Variants in INPP4B observed in about 807,000 individuals in gnomAD.
The protein encoded by INPP4B is inositol polyphosphate-4-phosphatase type II B.
In INPP4B, 55 loss-of-function variants were observed where a neutral mutation model predicts 122.5. That is an observed-to-expected ratio of 0.45 (90% CI 0.36 to 0.56). INPP4B has a LOEUF of 0.56. INPP4B is among the 20% of genes least tolerant of loss of function. The pLI, the probability that INPP4B is intolerant of heterozygous loss-of-function variation, is 0.00. For missense variants in INPP4B, 1,000 were observed against 1,097.7 expected, an observed-to-expected ratio of 0.91 and a Z score of 1.26; for synonymous variants, 403 against 388.7, an observed-to-expected ratio of 1.04 and a Z score of -0.43.
At chr4:142,786,136 T>C (rs1333816968) in intron 1 of INPP4B, among the ~76,000 whole-genome samples, 1 of 152,130 alleles carries the variant, frequency 6.6e-6, no homozygotes, top group African/African-American at 2.4e-5. Context: ...TCTTGATTTC[T>C]AACACCAGTC....
chr4:142,452,696 G>A (rs566637659), intron 3 of INPP4B, among the ~76,000 whole-genome samples: 1 of 152,126 alleles, frequency 6.6e-6, no homozygotes, highest in Non-Finnish European at 1.5e-5. Context: ...TTACTCTGCT[G>A]TTCAGTGTGT....
chr4:142,058,166 C>T (rs1158563994), intron 25 of INPP4B, among the ~76,000 whole-genome samples: 7 of 152,088 alleles, frequency 4.6e-5, no homozygotes, highest in Admixed American at 1.3e-4. Flanking sequence ...TGTATTTGGG[C>T]CATGCAAATC....
chr4:142,513,067 T>C (rs1330819296), intron 2 of INPP4B, among the ~76,000 whole-genome samples: 4 of 152,170 alleles, frequency 2.6e-5, no homozygotes, highest in African/African-American at 9.6e-5. Flanking sequence ...TTTAAAATGG[T>C]ATGTGGCTGA....
At chr4:142,796,994 G>T (rs1195719308) in intron 1 of INPP4B, among the ~76,000 whole-genome samples, 2 of 150,846 alleles carry the variant, frequency 1.3e-5, no homozygotes, top group African/African-American at 4.9e-5. Flanking sequence ...AACATAAACA[G>T]AAAATTGGAA....
At chr4:142,820,267 T>C (rs180979817) in intron 1 of INPP4B, among the ~76,000 whole-genome samples, 1 of 152,078 alleles carries the variant, frequency 6.6e-6, no homozygotes. Context: ...TCCCCACGAG[T>C]AGATGCCCTC....
In INPP4B at chr4:142,601,751, T is replaced by C. The variant is rs527920055; in HGVS notation, c.-191+124088A>G. Among the ~76,000 whole-genome samples, 468 of 151,812 alleles carry C rather than the reference T, an allele frequency of 3.1e-3. 1 individual carries two copies. The highest frequency in any genetic ancestry group is 0.017 in the Middle Eastern group (5 of 294). ...TTGGGAGGCTGAGGTGCGCAGATCA[T>C]GAGGTCAGGAGATCAAGACCATCCT... On this transcript the variant is annotated intron_variant, in intron 2 of 25. Coordinates refer to ENST00000262992, the MANE Select transcript of INPP4B (RefSeq NM_001101669.3).
At chr4:142,516,662 G>A (rs1318996670) in intron 2 of INPP4B, among the ~76,000 whole-genome samples, 1 of 152,042 alleles carries the variant, frequency 6.6e-6, no homozygotes, top group Admixed American at 6.6e-5. Flanking sequence ...TCTTCCTTTT[G>A]TCCCTTTGGA....
intron 8 of INPP4B, among the ~76,000 whole-genome samples, chr4:142,312,267 C>T (rs190692099): frequency 6.9e-4 from 105 of 152,244 alleles, no homozygotes; most frequent in Admixed American, 2.0e-3. Flanking sequence ...TAAGTAGCCA[C>T]AATATATCCA....
chr4:142,061,879 CACACACATATATATATATATAT>C (rs1760876277), intron 25 of INPP4B, among the ~76,000 whole-genome samples: 6 of 8,402 alleles, frequency 7.1e-4, no homozygotes, highest in African/African-American at 1.0e-3. Context: ...CACACACACA[CACACACATATATATATATATAT>C]ATATATATAT....
chr4:142,246,820 A>C (rs924984453), intron 11 of INPP4B, among the ~76,000 whole-genome samples: 6 of 152,220 alleles, frequency 3.9e-5, no homozygotes, highest in Admixed American at 2.6e-4. Context: ...CTGGCCAGAA[A>C]TTCCATTACT....
chr4:142,344,606 TATG>T (rs1779726717), intron 7 of INPP4B, among the ~76,000 whole-genome samples: 2 of 152,014 alleles, frequency 1.3e-5, no homozygotes, highest in African/African-American at 4.8e-5. Context: ...TACTTGACAA[TATG>T]ATAAGGGCCC....
At chr4:142,082,220 AT>A (rs769697493) in intron 24 of INPP4B, 35 bp from the exon 25 acceptor site, 1 of 1,473,938 alleles carries the variant, frequency 6.8e-7, no homozygotes, top group Non-Finnish European at 9.2e-7. Context: ...TTTCTTGTTC[AT>A]TTGTAATACC....
At chr4:142,727,560 A>C (rs1189522698) in intron 1 of INPP4B, among the ~76,000 whole-genome samples, 2 of 152,198 alleles carry the variant, frequency 1.3e-5, no homozygotes, top group Non-Finnish European at 2.9e-5. Flanking sequence ...TTCTGGAGTC[A>C]GAAAAGGATT....
chr4:142,028,813 G>T lies in INPP4B; in HGVS notation c.2744C>A (p.Pro915Gln). The change falls in exon 26 of 26, where the codon CCA becomes CAA. Residue 915 changes from proline (P) to glutamine (Q), a missense_variant. Transcript: ENST00000262992. ...GTCAGCTTTTCCATAAGTCCCCTCTGGAGGTCTGTAGTACTTGGGGAAAGC... is the reference window on the plus strand; with the variant it reads ...GTCAGCTTTTCCATAAGTCCCCTCTTGAGGTCTGTAGTACTTGGGGAAAGC... The part of the protein sequence containing the change: ...LMAFPKYYRP[P>Q]EGTYGKADT 1 of 1,612,894 alleles carries T rather than the reference G, an allele frequency of 6.2e-7. No individual in the cohort carries two copies. Among genetic ancestry groups the T allele is most frequent in the Non-Finnish European group, 8.5e-7 (1 of 1,179,430 alleles).
At chr4:142,470,538 C>T (rs138562615) in intron 2 of INPP4B, among the ~76,000 whole-genome samples, 350 of 152,276 alleles carry the variant, frequency 2.3e-3, no homozygotes, top group Non-Finnish European at 3.6e-3. Flanking sequence ...GCATTCTCAC[C>T]ATATGTGGTT....
At chr4:142,597,697 A>G (rs1207028145) in intron 2 of INPP4B, among the ~76,000 whole-genome samples, 1 of 152,176 alleles carries the variant, frequency 6.6e-6, no homozygotes, top group Non-Finnish European at 1.5e-5. Flanking sequence ...ATCTGTGGTA[A>G]CTCATTAACA....
At chr4:142,504,336 A>G (rs72946889) in intron 2 of INPP4B, among the ~76,000 whole-genome samples, 7,554 of 152,070 alleles carry the variant, frequency 0.05, 226 homozygotes, top group Middle Eastern at 0.078. Context: ...TCCAAAAATT[A>G]AAAAAGCTCT....
intron 25 of INPP4B, among the ~76,000 whole-genome samples, chr4:142,060,061 T>C (rs889629949): frequency 1.3e-5 from 2 of 152,310 alleles, no homozygotes; most frequent in African/African-American, 4.8e-5. Flanking sequence ...TTGCTATACA[T>C]ACGTGACTGA....
intron 2 of INPP4B, among the ~76,000 whole-genome samples, chr4:142,593,654 A>G (rs1376989129): frequency 6.6e-6 from 1 of 152,058 alleles, no homozygotes; most frequent in Non-Finnish European, 1.5e-5. Flanking sequence ...CCATAATGGG[A>G]CCTAGAATAC....
Sources: gnomAD v4.1 joint callset for allele counts (sites outside exome capture counted in the v4.1 genomes callset) on GRCh38, gnomAD v4.1.1 for gene constraint, MANE v1.5 for transcripts, NCBI Gene and HGNC (gene_info 2026-07-23, HGNC 2026-07-21) for gene names.